Variants in EFCAB6 observed in about 807,000 individuals in gnomAD.
The protein encoded by EFCAB6 is EF-hand calcium binding domain 6, also known as EF-hand calcium-binding domain-containing protein 6.
A neutral mutation model predicts 169.8 loss-of-function variants in EFCAB6; 156 were observed. The ratio of observed to expected loss-of-function variants is 0.92; its 90% CI spans 0.81 to 1.05. EFCAB6 has a LOEUF of 1.05. Among genes scored for constraint, EFCAB6 ranks in the 50% least tolerant of loss-of-function variants. EFCAB6 has a pLI of 0.00. For synonymous variants in EFCAB6, 698 were observed against 676.4 expected (o/e 1.03, Z -0.50); for missense variants, 1,800 against 1,829.1 (o/e 0.98, Z 0.29).
chr22:43,715,269 G>C (rs1351202125), intron 9 of EFCAB6, among the ~76,000 whole-genome samples: 5 of 152,098 alleles, frequency 3.3e-5, no homozygotes, highest in African/African-American at 4.8e-5. Context: ...TTAAGGGCAG[G>C]GACTGGATAA....
rs2059955642 is a variant in EFCAB6 at position 43,731,695 on chromosome 22, T to C, written c.757+4A>G. The C allele has an allele frequency of 6.4e-6, 10 of 1,553,802 alleles. No homozygotes were observed. Among genetic ancestry groups the C allele is most frequent in the Non-Finnish European group, 7.8e-6 (9 of 1,146,864 alleles). ...CTTTAGCTATATACTTTAAAAATACTTACCTTGATTTCCCATACAATATCT... is the reference window on the plus strand; with the variant it reads ...CTTTAGCTATATACTTTAAAAATACCTACCTTGATTTCCCATACAATATCT... On this transcript the variant is annotated splice_donor_region_variant and intron_variant, in intron 8 of 31. Coordinates refer to ENST00000262726, the MANE Select transcript of EFCAB6 (RefSeq NM_022785.4).
Position 43,554,904 on chromosome 22 carries a change from A to T in EFCAB6, c.3613T>A (p.Cys1205Ser). The change falls in exon 27 of 32, where the codon TGT (cysteine) becomes AGT (serine). Residue 1205 changes from cysteine to serine, a missense_variant. Physicochemically the swap from Cys to Ser is moderately radical, Grantham distance 112 (BLOSUM62 -1). Coordinates refer to ENST00000262726, the MANE Select transcript of EFCAB6 (RefSeq NM_022785.4). ...GTCAGGATTTGGACGCGGCGATTAC[A>T]AATGGCCCTAAACTCCTCTCTGGAG... ...TISREEFRAICNRRVQILTDE... is the reference protein window; with the variant it reads ...TISREEFRAISNRRVQILTDE... The T allele has an allele frequency of 6.2e-7, 1 of 1,614,198 alleles. No homozygotes were observed. Among genetic ancestry groups the T allele is most frequent in the Non-Finnish European group, 8.5e-7 (1 of 1,180,040 alleles).
rs190274621 is a variant in EFCAB6 at position 43,736,644 on chromosome 22, G to A, written c.508-651C>T. 4.6e-5 allele frequency among the ~76,000 whole-genome samples: 7 copies of A among 151,950 alleles called. No individual in the cohort carries two copies. In the East Asian group the frequency reaches 1.2e-3, roughly 25 times the overall value. On this transcript the variant is annotated intron_variant, in intron 6 of 31. Transcript: ENST00000262726. ...CAGGATATTTATTGGGCTCACAGACGCACACAATGTTAGGATAGACCCTGT... is the reference window on the plus strand; with the variant it reads ...CAGGATATTTATTGGGCTCACAGACACACACAATGTTAGGATAGACCCTGT...
intron 8 of EFCAB6, among the ~76,000 whole-genome samples, chr22:43,722,736 C>T (rs1382654919): frequency 1.3e-5 from 2 of 151,984 alleles, no homozygotes; most frequent in Non-Finnish European, 2.9e-5. Flanking sequence ...GATTATTATG[C>T]CAACAACACA....
chr22:43,569,187 T>C (rs1372182725), intron 26 of EFCAB6, among the ~76,000 whole-genome samples: 2 of 152,214 alleles, frequency 1.3e-5, no homozygotes, highest in Admixed American at 6.5e-5. Context: ...CCAGGACACA[T>C]GCATGGAAGG....
Position 43,672,007 on chromosome 22 carries a change from A to T in EFCAB6, c.1606T>A (p.Phe536Ile). 2 of 1,614,178 alleles carry T rather than the reference A, an allele frequency of 1.2e-6. No homozygotes were observed. Among genetic ancestry groups the T allele is most frequent in the Admixed American group, 1.7e-5 (1 of 60,026 alleles). Residue 536 changes from phenylalanine (F) to isoleucine (I), a missense_variant, in exon 15 of 32, where the codon TTC becomes ATC. By Grantham distance (21) the Phe-to-Ile change is conservative. Coordinates refer to ENST00000262726, the MANE Select transcript of EFCAB6 (RefSeq NM_022785.4). ...RNNFKKIMHV[F>I]CPFLTNAHFI... The stretch of plus-strand genomic sequence containing the variant: ...TGTGCATTCGTTAAAAATGGACAGA[A>T]GACGTGCATGATTTTCTTGAAATTA...
chr22:43,671,924 G>T, intron 15 of EFCAB6, 49 bp downstream of exon 15: 1 of 1,598,004 alleles, frequency 6.3e-7, no homozygotes, highest in South Asian at 1.1e-5. Flanking sequence ...TTATGGAACA[G>T]GCCTGATGAA....
chr22:43,616,381 G>A (rs1401514951), intron 20 of EFCAB6, among the ~76,000 whole-genome samples: 3 of 152,198 alleles, frequency 2.0e-5, no homozygotes, highest in Non-Finnish European at 4.4e-5. Context: ...TTAAAGATAG[G>A]GCCGGGTGCA....
chr22:43,713,458 C>G (rs1438359005), intron 9 of EFCAB6, among the ~76,000 whole-genome samples: 1 of 152,106 alleles, frequency 6.6e-6, no homozygotes, highest in East Asian at 1.9e-4. Flanking sequence ...ATCAGACAGG[C>G]AGAAATGTAC....
chr22:43,587,442 G>C (rs1263093485), intron 24 of EFCAB6, among the ~76,000 whole-genome samples: 5 of 152,322 alleles, frequency 3.3e-5, no homozygotes, highest in Middle Eastern at 3.4e-3. Flanking sequence ...TGAGTTCCCT[G>C]TTGTTGGCAG....
intron 5 of EFCAB6, among the ~76,000 whole-genome samples, chr22:43,763,302 G>T (rs1020396809): frequency 1.3e-5 from 2 of 151,912 alleles, no homozygotes; most frequent in Admixed American, 6.6e-5. Flanking sequence ...GCCTCCCAAA[G>T]TGCTGGGATT....
At chr22:43,602,545 G>A (rs914934125) in intron 22 of EFCAB6, among the ~76,000 whole-genome samples, 1 of 152,152 alleles carries the variant, frequency 6.6e-6, no homozygotes, top group Non-Finnish European at 1.5e-5. Context: ...CCAGGGCCAT[G>A]CCTCTCTCCT....
chr22:43,695,938 T>A (rs2147224226), intron 10 of EFCAB6, among the ~76,000 whole-genome samples: 1 of 152,076 alleles, frequency 6.6e-6, no homozygotes, highest in African/African-American at 2.4e-5. Flanking sequence ...ACCCCCAAAA[T>A]ATTACCCATA....
chr22:43,749,543 G>A (rs182983871), intron 6 of EFCAB6, among the ~76,000 whole-genome samples: 3 of 152,178 alleles, frequency 2.0e-5, no homozygotes, highest in South Asian at 2.1e-4. Flanking sequence ...AGCGTGCAAC[G>A]TAGATCCTCG....
intron 20 of EFCAB6, among the ~76,000 whole-genome samples, chr22:43,618,267 C>T (rs977504179): frequency 1.3e-5 from 2 of 151,408 alleles, no homozygotes; most frequent in Admixed American, 1.3e-4. Flanking sequence ...AAAAGTGACT[C>T]GGATAACTTC....
intron 17 of EFCAB6, among the ~76,000 whole-genome samples, chr22:43,642,271 C>T (rs2055856316): frequency 6.6e-6 from 1 of 152,146 alleles, no homozygotes; most frequent in African/African-American, 2.4e-5. Context: ...CCCTCCGTGC[C>T]TGGAAACCTG....
chr22:43,534,596 G>A, intron 30 of EFCAB6, 92 bp downstream of exon 30: 1 of 1,215,704 alleles, frequency 8.2e-7, no homozygotes, highest in African/African-American at 1.5e-5. Context: ...TCTCCAGTCT[G>A]GGCAATAGAG....
chr22:43,693,183 C>T (rs907041222), intron 10 of EFCAB6, among the ~76,000 whole-genome samples: 5 of 151,988 alleles, frequency 3.3e-5, no homozygotes, highest in Non-Finnish European at 5.9e-5. Flanking sequence ...CAAATTTATG[C>T]AGTCACAAGA....
rs35053047 is a variant in EFCAB6 at position 43,626,451 on chromosome 22, T to C, written c.2461A>G (p.Ile821Val). 8.7e-6 allele frequency: 14 copies of C among 1,613,536 alleles called. No individual in the cohort carries two copies. The highest frequency in any genetic ancestry group is 2.7e-5 in the African/African-American group (2 of 74,914). The change falls in exon 20 of 32, where the codon ATT becomes GTT. Residue 821 changes from isoleucine (I) to valine (V), a missense_variant. Ile to Val is a conservative substitution (Grantham distance 29). Coordinates refer to ENST00000262726, the MANE Select transcript of EFCAB6 (RefSeq NM_022785.4). ...WRTDEAPQRL[I>V]RPKQKVADSE... Reference sequence around the variant, plus strand: ...AGACCCGTGCTGCCTTCTTACCTAATGAGTCTTTGAGGCGCTTCATCTGTT... The same window carrying C: ...AGACCCGTGCTGCCTTCTTACCTAACGAGTCTTTGAGGCGCTTCATCTGTT...
Sources: gnomAD v4.1 joint callset for allele counts (sites outside exome capture counted in the v4.1 genomes callset) on GRCh38, gnomAD v4.1.1 for gene constraint, MANE v1.5 for transcripts, NCBI Gene and HGNC (gene_info 2026-07-23, HGNC 2026-07-21) for gene names.